The following SLC22A15 variants were observed in gnomAD, a reference collection of about 807,000 sequenced individuals.
SLC22A15 encodes flipt 1.
In SLC22A15, 45 loss-of-function variants were observed where a neutral mutation model predicts 62.7. The observed-to-expected ratio is 0.72, with a 90% CI of 0.56 to 0.92. SLC22A15 has a LOEUF of 0.92. Among genes scored for constraint, SLC22A15 ranks in the 40% least tolerant of loss-of-function variants. SLC22A15 has a pLI of 0.00. For missense variants in SLC22A15, 622 were observed against 665.6 expected (o/e 0.93, Z 0.72); for synonymous variants, 264 against 267.0 (o/e 0.99, Z 0.11).
At chr1:116,051,782 G>A (rs530899745) in intron 8 of SLC22A15, among the ~76,000 whole-genome samples, 5 of 152,300 alleles carry the variant, frequency 3.3e-5, no homozygotes, top group Middle Eastern at 3.4e-3. Flanking sequence ...TCCACACCGC[G>A]GTGATACATC....
At chr1:116,032,493 G>A in intron 6 of SLC22A15, 4 of 985,362 alleles carry the variant, frequency 4.1e-6, no homozygotes, top group Non-Finnish European at 4.8e-6. Context: ...TTATATGAAA[G>A]TGATCTTATG....
At position 116,011,407 on chromosome 1, in the gene SLC22A15, G is replaced by A. The variant is rs571620610; in HGVS notation, c.301-8175G>A. 3.9e-5 allele frequency among the ~76,000 whole-genome samples: 6 copies of A among 152,232 alleles called. No homozygotes were observed. The East Asian group carries it at 1.2e-3, about 29-fold the overall frequency. ...AGAGAATGGCATTCGGTGGCTCCAA[G>A]GAAATGGTGACCAATTAGGTAGTTC... On this transcript the variant is annotated intron_variant, in intron 2 of 11. Transcript: ENST00000369503.
intron 8 of SLC22A15, among the ~76,000 whole-genome samples, chr1:116,046,008 C>A (rs1393489547): frequency 6.6e-6 from 1 of 151,962 alleles, no homozygotes; most frequent in South Asian, 2.1e-4. Flanking sequence ...GAAAACATAA[C>A]CTTTTTAAAA....
chr1:116,026,765 G>GGTCGC, intron 4 of SLC22A15, 128 bp from the exon 5 acceptor site: 1 of 989,504 alleles, frequency 1.0e-6, no homozygotes, highest in Non-Finnish European at 1.4e-6. Context: ...CTTTTCTGGT[G>GGTCGC]TGCCTCTTAT....
chr1:115,981,757 C>G (rs1654621359), intron 1 of SLC22A15, among the ~76,000 whole-genome samples: 1 of 152,186 alleles, frequency 6.6e-6, no homozygotes, highest in Non-Finnish European at 1.5e-5. Context: ...CTGCAGCACC[C>G]AAACCCCCAG....
At chr1:115,992,285 T>C in intron 2 of SLC22A15, 42 bp downstream of exon 2, 3 of 1,446,826 alleles carry the variant, frequency 2.1e-6, no homozygotes, top group Non-Finnish European at 2.9e-6. Context: ...ATGTCTCTCT[T>C]TGTCCACATA....
Position 115,989,063 on chromosome 1 carries a change from T to C in SLC22A15, c.88-2968T>C, listed in dbSNP as rs548978688. On this transcript the variant is annotated intron_variant, in intron 1 of 11. Coordinates refer to ENST00000369503, the MANE Select transcript of SLC22A15 (RefSeq NM_018420.3). Reference sequence around the variant, plus strand: ...TAGAAGAGTTGCAAGTTTCTGACTCTTCTGGTGGCATAAAGCTGTGGACCT... The same window carrying C: ...TAGAAGAGTTGCAAGTTTCTGACTCCTCTGGTGGCATAAAGCTGTGGACCT... Among the ~76,000 whole-genome samples, 225 of 152,208 alleles carry C rather than the reference T, an allele frequency of 1.5e-3. 2 individuals carry two copies. Among genetic ancestry groups the C allele is most frequent in the Non-Finnish European group, 1.2e-3 (84 of 68,012 alleles).
chr1:116,013,671 G>A (rs1243132831), intron 2 of SLC22A15: 2 of 152,104 alleles, frequency 1.3e-5, no homozygotes, highest in Admixed American at 6.5e-5. Flanking sequence ...GATTATATTT[G>A]TATTTCAGGA....
intron 8 of SLC22A15, among the ~76,000 whole-genome samples, chr1:116,049,547 C>T (rs1232541890): frequency 6.6e-6 from 1 of 152,098 alleles, no homozygotes; most frequent in Admixed American, 6.6e-5. Flanking sequence ...ATTCTTCGAA[C>T]TGAATGACAG....
chr1:116,031,579 C>G lies in SLC22A15; in HGVS notation c.942C>G (p.Ile314Met). 1 of 1,613,528 alleles carries G rather than the reference C, an allele frequency of 6.2e-7. No individual in the cohort carries two copies. The change falls in exon 6 of 12, where the codon ATC (isoleucine) becomes ATG (methionine). Residue 314 changes from isoleucine to methionine, a missense_variant and splice_region_variant. Coordinates refer to ENST00000369503, the MANE Select transcript of SLC22A15 (RefSeq NM_018420.3). Reference protein sequence around the residue: ...LLGHTLILMFIWFVCSLVYYG... With the variant: ...LLGHTLILMFMWFVCSLVYYG... Reference sequence around the variant, plus strand: ...GACACACTTTGATCCTGATGTTCATCTGGTAATTATACTAAGGCGTGTTCT... The same window carrying G: ...GACACACTTTGATCCTGATGTTCATGTGGTAATTATACTAAGGCGTGTTCT...
At chr1:116,055,511 T>C (rs1658177640) in intron 8 of SLC22A15, among the ~76,000 whole-genome samples, 1 of 149,172 alleles carries the variant, frequency 6.7e-6, no homozygotes, top group African/African-American at 2.5e-5. Context: ...TCTGAAACTA[T>C]TCCAATCAAT....
chr1:116,062,565 G>A (rs1658409086), intron 8 of SLC22A15, among the ~76,000 whole-genome samples, 197 bp from the exon 9 acceptor site: 2 of 152,200 alleles, frequency 1.3e-5, no homozygotes, highest in African/African-American at 2.4e-5. Flanking sequence ...AAGTTTCCAA[G>A]GGTAGAGCCA....
At chr1:116,052,892 C>T (rs2101538778) in intron 8 of SLC22A15, among the ~76,000 whole-genome samples, 1 of 152,076 alleles carries the variant, frequency 6.6e-6, no homozygotes, top group East Asian at 1.9e-4. Flanking sequence ...ACATCCACAC[C>T]AAAAACCCAT....
chr1:116,066,492 A>G, intron 10 of SLC22A15, 28 bp from the exon 11 acceptor site: 2 of 1,483,384 alleles, frequency 1.3e-6, no homozygotes, highest in Non-Finnish European at 9.1e-7. Flanking sequence ...TCTCTGGTTT[A>G]TTTTCATTCC....
chr1:115,987,427 G>A (rs1654927492), intron 1 of SLC22A15, among the ~76,000 whole-genome samples: 1 of 152,112 alleles, frequency 6.6e-6, no homozygotes, highest in African/African-American at 2.4e-5. Context: ...GCCTCCCAAA[G>A]TGCTGGGATT....
rs775338773 is a variant in SLC22A15 at position 116,020,930 on chromosome 1, GA to G, written c.598+49del. 2.6e-6 allele frequency: 4 copies of G among 1,525,168 alleles called. No homozygotes were observed. In the South Asian group the frequency reaches 5.1e-5, roughly 20 times the overall value. 94.5% of individuals were successfully genotyped at this position (1,525,168 alleles called of 1,614,324 possible). On this transcript the variant is annotated intron_variant, in intron 4 of 11. Transcript: ENST00000369503. Reference sequence around the variant, plus strand: ...GCTCTGGACTGGGTGAGCAGCTCCAGAAAATTTTATAGGGACCCAGTTTAAT... The same window carrying G: ...GCTCTGGACTGGGTGAGCAGCTCCAGAAATTTTATAGGGACCCAGTTTAAT...
intron 2 of SLC22A15, among the ~76,000 whole-genome samples, chr1:116,007,780 G>T (rs767506895): frequency 6.6e-6 from 1 of 152,148 alleles, no homozygotes; most frequent in Admixed American, 6.5e-5. Context: ...CTGCTAGTCT[G>T]GGATTCAATG....
intron 5 of SLC22A15, among the ~76,000 whole-genome samples, chr1:116,029,632 C>T (rs1010046031): frequency 6.6e-6 from 1 of 152,110 alleles, no homozygotes; most frequent in African/African-American, 2.4e-5. Flanking sequence ...AAGATAAACC[C>T]TTTGCCAGGT....
chr1:116,053,914 T>C (rs1356757267), intron 8 of SLC22A15, among the ~76,000 whole-genome samples: 1 of 151,272 alleles, frequency 6.6e-6, no homozygotes, highest in Non-Finnish European at 1.5e-5. Context: ...GCACTAAACA[T>C]GGAAAGGAAC....
Sources: gnomAD v4.1 joint callset for allele counts (sites outside exome capture counted in the v4.1 genomes callset) on GRCh38, gnomAD v4.1.1 for gene constraint, MANE v1.5 for transcripts, NCBI Gene and HGNC (gene_info 2026-07-23, HGNC 2026-07-21) for gene names.